Variants in IL18R1 observed in about 807,000 individuals in gnomAD.
IL18R1 encodes interleukin 18 receptor 1, also known as interleukin-18 receptor 1.
Under a neutral mutation model 48.5 loss-of-function variants are expected in IL18R1, and 40 were observed. That is an observed-to-expected ratio of 0.82 (90% CI 0.64 to 1.07). The LOEUF (loss-of-function observed/expected upper bound fraction) is 1.07. Ranked by LOEUF, IL18R1 falls within the 50% of genes least tolerant of loss-of-function variation. IL18R1 has a pLI of 0.00. For missense variants in IL18R1, 596 were observed against 633.7 expected (o/e 0.94, Z 0.64); for synonymous variants, 232 against 225.9 (o/e 1.03, Z -0.24).
chr2:102,371,288 G>A (rs1367515280), intron 3 of IL18R1, among the ~76,000 whole-genome samples: 1 of 152,124 alleles, frequency 6.6e-6, no homozygotes, highest in Admixed American at 6.5e-5. Context: ...GCCTCCCAAA[G>A]TGCTGGGATT....
chr2:102,357,361 T>C (rs1031268989), intron 1 of IL18R1, among the ~76,000 whole-genome samples: 1 of 151,818 alleles, frequency 6.6e-6, no homozygotes, highest in Non-Finnish European at 1.5e-5. Flanking sequence ...CATGGTGGCA[T>C]GCATCTGTAA....
chr2:102,375,716 C>T (rs1254458118), intron 4 of IL18R1, among the ~76,000 whole-genome samples, 191 bp from the exon 5 acceptor site: 2 of 152,104 alleles, frequency 1.3e-5, no homozygotes, highest in Non-Finnish European at 2.9e-5. Flanking sequence ...ATAATCATGC[C>T]AACAGCAATG....
chr2:102,388,326 A>G (rs1279145506), intron 8 of IL18R1, among the ~76,000 whole-genome samples: 2 of 152,210 alleles, frequency 1.3e-5, no homozygotes, highest in Non-Finnish European at 2.9e-5. Flanking sequence ...CTTAACGACA[A>G]GCTTTATAGA....
Position 102,396,894 on chromosome 2 carries a change from A to C in IL18R1, c.*8A>C. 1 of 1,538,956 alleles carries C rather than the reference A, an allele frequency of 6.5e-7. No homozygotes were observed. Among genetic ancestry groups the C allele is most frequent in the Non-Finnish European group, 8.8e-7 (1 of 1,137,166 alleles). ...GTTCTTTCCGAGTCTTAATCTTCAG[A>C]AACAGTGAACGCCAAAAAGAACTCA... On this transcript the variant is annotated 3_prime_UTR_variant, in exon 11 of 11. Transcript: ENST00000233957.
Position 102,398,278 on chromosome 2 carries a change from C to A in IL18R1, c.*1392C>A, listed in dbSNP as rs1002224799. 2.8e-4 allele frequency: 43 copies of A among 152,434 alleles called. No homozygotes were observed. Among genetic ancestry groups the A allele is most frequent in the African/African-American group, 1.0e-3 (43 of 41,562 alleles). The allele number at this position is 152,434 out of a possible 1,614,324, so 9.4% of individuals were successfully genotyped here. A position where few individuals can be genotyped will look rare whatever the true frequency, so the allele number is the denominator to read the frequency against. On this transcript the variant is annotated 3_prime_UTR_variant, in exon 11 of 11. Coordinates refer to ENST00000233957, the MANE Select transcript of IL18R1 (RefSeq NM_003855.5). ...GCACTGGGAGCCTTCTTGATGATCT[C>A]AAAAATAATAGCTATTCAAGAAAAT...
intron 6 of IL18R1, among the ~76,000 whole-genome samples, chr2:102,384,535 AT>A (rs1042495933): frequency 6.6e-6 from 1 of 152,000 alleles, no homozygotes; most frequent in South Asian, 2.1e-4. Flanking sequence ...GCTTAATTTA[AT>A]TTTTTTGTGA....
chr2:102,374,425 C>T (rs1318025844), intron 4 of IL18R1, among the ~76,000 whole-genome samples: 1 of 152,044 alleles, frequency 6.6e-6, no homozygotes, highest in Non-Finnish European at 1.5e-5. Flanking sequence ...ATTCTATTTC[C>T]CATCAATGTA....
chr2:102,370,990 T>C (rs1157733631), intron 3 of IL18R1, among the ~76,000 whole-genome samples: 1 of 152,216 alleles, frequency 6.6e-6, no homozygotes, highest in African/African-American at 2.4e-5. Flanking sequence ...AAACATTTTC[T>C]CTTTAAAATC....
intron 1 of IL18R1, among the ~76,000 whole-genome samples, chr2:102,361,363 AC>A (rs1678563974): frequency 6.6e-6 from 1 of 152,172 alleles, no homozygotes; most frequent in Admixed American, 6.5e-5. Flanking sequence ...TGGAAATTCC[AC>A]CAAATATTTG....
At position 102,372,000 on chromosome 2, in the gene IL18R1, A is replaced by G. The variant is rs201204631; in HGVS notation, c.350A>G (p.His117Arg). ...TTAAATGTCATCAGAAGAAATAAAC[A>G]CAGCTGTTTCACTGAAAGACAAGTA... is the stretch of plus-strand genomic sequence containing the variant. ...WKLNVIRRNK[H>R]SCFTERQVTS... Residue 117 changes from histidine (H) to arginine (R), a missense_variant, in exon 4 of 11, where the codon CAC (histidine) becomes CGC (arginine). By Grantham distance (29) the His-to-Arg change is conservative. Transcript: ENST00000233957. 3.2e-5 allele frequency: 51 copies of G among 1,582,852 alleles called. No homozygotes were observed. Among genetic ancestry groups the G allele is most frequent in the Admixed American group, 8.7e-5 (5 of 57,346 alleles).
At chr2:102,383,702 G>C (rs1010938441) in intron 6 of IL18R1, among the ~76,000 whole-genome samples, 9 of 151,546 alleles carry the variant, frequency 5.9e-5, no homozygotes, top group African/African-American at 2.2e-4. Flanking sequence ...GCATGTATTT[G>C]GGTCTTTTTT....
chr2:102,383,134 C>T (rs1263739103), intron 6 of IL18R1, among the ~76,000 whole-genome samples: 1 of 152,126 alleles, frequency 6.6e-6, no homozygotes, highest in Non-Finnish European at 1.5e-5. Context: ...AGTTTAGATT[C>T]ATTATAGTCC....
At chr2:102,360,043 C>G (rs1449280999) in intron 1 of IL18R1, among the ~76,000 whole-genome samples, 1 of 152,164 alleles carries the variant, frequency 6.6e-6, no homozygotes, top group Non-Finnish European at 1.5e-5. Flanking sequence ...CAAATCCACC[C>G]AGGCTGCCAC....
chr2:102,374,485 T>G (rs1268425737), intron 4 of IL18R1, among the ~76,000 whole-genome samples: 1 of 152,086 alleles, frequency 6.6e-6, no homozygotes, highest in African/African-American at 2.4e-5. Flanking sequence ...GTGCTGAGTT[T>G]TAAGAAATTC....
intron 9 of IL18R1, among the ~76,000 whole-genome samples, chr2:102,393,341 T>C (rs1680649963): frequency 6.6e-6 from 1 of 152,250 alleles, no homozygotes. Context: ...TATGTAAGCC[T>C]GAAATTTTTA....
At chr2:102,367,102 C>T (rs574696979) in intron 2 of IL18R1, among the ~76,000 whole-genome samples, 64 of 152,004 alleles carry the variant, frequency 4.2e-4, no homozygotes, top group African/African-American at 4.1e-4. Context: ...CCACAAGTGC[C>T]GAAAGAGGGG....
chr2:102,364,703 A>C (rs962638315), intron 2 of IL18R1, among the ~76,000 whole-genome samples: 3 of 152,208 alleles, frequency 2.0e-5, no homozygotes, highest in African/African-American at 7.2e-5. Flanking sequence ...CTGCTAATAA[A>C]GGCATACTTG....
chr2:102,394,942 C>CAGATATTCTCTGT (rs1680746184), intron 10 of IL18R1, among the ~76,000 whole-genome samples: 1 of 152,124 alleles, frequency 6.6e-6, no homozygotes, highest in Admixed American at 6.5e-5. Context: ...AAATGACCCA[C>CAGATATTCTCTGT]GGTGAGAATA....
intron 5 of IL18R1, 69 bp downstream of exon 5, chr2:102,376,132 A>T: frequency 7.5e-7 from 1 of 1,335,824 alleles, no homozygotes. Flanking sequence ...TCATTCTTCA[A>T]AACTGTGTAG....
Sources: allele counts gnomAD v4.1 joint callset (sites outside exome capture counted in the v4.1 genomes callset), GRCh38; gene constraint gnomAD v4.1.1; transcripts MANE v1.5; gene names NCBI Gene and HGNC (gene_info 2026-07-23, HGNC 2026-07-21).